Variants in PHEX observed in about 807,000 individuals in gnomAD.
PHEX encodes phosphate regulating endopeptidase X-linked.
Under a neutral mutation model 68.0 loss-of-function variants are expected in PHEX, and 16 were observed. The observed-to-expected ratio is 0.24, with a 90% CI of 0.16 to 0.36. The LOEUF (loss-of-function observed/expected upper bound fraction) is 0.36. Among genes scored for constraint, PHEX ranks in the 10% least tolerant of loss-of-function variants. PHEX has a pLI of 1.00. For missense variants in PHEX, 480 were observed against 575.5 expected (o/e 0.83, Z 1.70); for synonymous variants, 208 against 205.1 (o/e 1.01, Z -0.12).
intron 20 of PHEX, among the ~76,000 whole-genome samples, chrX:22,228,680 A>G (rs1935596049): frequency 9.4e-6 from 1 of 106,475 alleles, no homozygotes; most frequent in African/African-American, 3.4e-5. Flanking sequence ...ATCTGTCCTC[A>G]ATTTTACAAC....
chrX:22,082,996 A>G (rs1193784252), intron 5 of PHEX, among the ~76,000 whole-genome samples: 1 of 111,906 alleles, frequency 8.9e-6, no homozygotes, highest in Non-Finnish European at 1.9e-5. Context: ...TGTGGCCGGT[A>G]CAACTACGGA....
intron 12 of PHEX, chrX:22,162,771 G>A (rs1055362369): frequency 9.0e-6 from 1 of 111,668 alleles, no homozygotes; most frequent in Admixed American, 9.6e-5. Context: ...TGTCATGAAG[G>A]GAAAAGAGGG....
Position 22,214,424 on chromosome X carries a change from C to T in PHEX, c.1700+1466C>T, listed in dbSNP as rs888984534. Reference sequence around the variant, plus strand: ...TTTACTGTGTAACATAACATATTCACAGGTTCCAAAGATTAGCAATATGGA... The same window carrying T: ...TTTACTGTGTAACATAACATATTCATAGGTTCCAAAGATTAGCAATATGGA... On this transcript the variant is annotated intron_variant, in intron 16 of 21. Coordinates refer to ENST00000379374, the MANE Select transcript of PHEX (RefSeq NM_000444.6). 5.2e-5 allele frequency among the ~76,000 whole-genome samples: 5 copies of T among 95,887 alleles called. No individual in the cohort carries two copies. The East Asian group carries it at 1.5e-3, about 29-fold the overall frequency. 83.3% of individuals were successfully genotyped at this position (95,887 alleles called of 115,157 possible).
At chrX:22,095,321 A>G (rs1266541675) in intron 7 of PHEX, among the ~76,000 whole-genome samples, 1 of 112,028 alleles carries the variant, frequency 8.9e-6, no homozygotes, top group Non-Finnish European at 1.9e-5. Context: ...CCAGGCACAT[A>G]GGAGGCCCAG....
chrX:22,127,063 G>C (rs1931767123), intron 11 of PHEX, among the ~76,000 whole-genome samples: 1 of 108,300 alleles, frequency 9.2e-6, no homozygotes, highest in Non-Finnish European at 1.9e-5. Context: ...GTAGAGACAG[G>C]GTTTCACCAT....
At position 22,101,365 on chromosome X, in the gene PHEX, C is replaced by T. The variant is rs1418836933; in HGVS notation, c.1079+2214C>T. On this transcript the variant is annotated intron_variant, in intron 9 of 21. Transcript: ENST00000379374. ...ATGGTGATGTTTTTTCATTGATGAT[C>T]GTGTTTAATCACCACTCGTGTAGCA... Among the ~76,000 whole-genome samples the T allele has an allele frequency of 5.7e-4, 64 of 111,685 alleles. No homozygotes were observed. In the Admixed American group the frequency reaches 5.8e-3, roughly 10 times the overall value.
intron 3 of PHEX, among the ~76,000 whole-genome samples, chrX:22,066,961 C>A (rs779532117): frequency 9.0e-6 from 1 of 111,131 alleles, no homozygotes; most frequent in East Asian, 2.8e-4. Flanking sequence ...AATAGATACC[C>A]GGCTGGGCGT....
chrX:22,042,959 A>G (rs1316293480), intron 2 of PHEX, among the ~76,000 whole-genome samples: 1 of 112,790 alleles, frequency 8.9e-6, no homozygotes, highest in Admixed American at 9.4e-5. Context: ...TTTGATGGCA[A>G]AATTGGATCT....
In PHEX at chrX:22,032,581, G is replaced by T; in HGVS notation, c.-425G>T. The T allele has an allele frequency of 7.2e-6, 1 of 138,149 alleles. No individual in the cohort carries two copies. The highest frequency in any genetic ancestry group is 1.5e-5 in the Non-Finnish European group (1 of 68,437). 11.4% of individuals were successfully genotyped at this position (138,149 alleles called of 1,213,427 possible). A position where few individuals can be genotyped will look rare whatever the true frequency, so the allele number is the denominator to read the frequency against. On this transcript the variant is annotated 5_prime_UTR_variant, in exon 1 of 22. Coordinates refer to ENST00000379374, the MANE Select transcript of PHEX (RefSeq NM_000444.6). ...TGGCCACCTAACTTATCATGATTTG[G>T]GGGAGTTTCACGAGAATCCAGTTTT... is the stretch of plus-strand genomic sequence containing the variant.
intron 9 of PHEX, among the ~76,000 whole-genome samples, chrX:22,104,658 A>G (rs1930594839): frequency 9.0e-6 from 1 of 111,566 alleles, no homozygotes. Flanking sequence ...GAGGGGCACT[A>G]TAGACTTCTC....
chrX:22,119,799 G>C (rs1931407868), intron 11 of PHEX, among the ~76,000 whole-genome samples: 1 of 110,115 alleles, frequency 9.1e-6, no homozygotes, highest in Non-Finnish European at 1.9e-5. Flanking sequence ...GTTTCCTCAT[G>C]TTGGCCAAGC....
At chrX:22,219,868 C>G (rs1046062257) in intron 17 of PHEX, among the ~76,000 whole-genome samples, 1 of 111,866 alleles carries the variant, frequency 8.9e-6, no homozygotes, top group African/African-American at 3.3e-5. Flanking sequence ...CTGCCCACCT[C>G]AGCTTCCCAA....
chrX:22,104,246 C>T (rs1294319350), intron 9 of PHEX, among the ~76,000 whole-genome samples: 1 of 111,537 alleles, frequency 9.0e-6, no homozygotes, highest in Non-Finnish European at 1.9e-5. Flanking sequence ...CTTTCTCTGA[C>T]TGAGTGGCTG....
intron 3 of PHEX, among the ~76,000 whole-genome samples, chrX:22,049,406 G>C (rs187416671): frequency 3.6e-5 from 4 of 110,711 alleles, no homozygotes; most frequent in African/African-American, 1.3e-4. Context: ...GAGCCACCGC[G>C]CCTGGCCAAC....
intron 5 of PHEX, among the ~76,000 whole-genome samples, chrX:22,081,630 A>G (rs1929397709): frequency 9.0e-6 from 1 of 111,162 alleles, no homozygotes; most frequent in African/African-American, 3.3e-5. Context: ...CACCCTTTCT[A>G]AGGGTTAGAT....
At chrX:22,150,386 G>C (rs1262604327) in intron 12 of PHEX, among the ~76,000 whole-genome samples, 6 of 111,672 alleles carry the variant, frequency 5.4e-5, no homozygotes, top group Middle Eastern at 4.6e-3. Flanking sequence ...TATAGAGCAG[G>C]GGGCAGCAAA....
chrX:22,249,106 T>TTTACTC lies in PHEX; in HGVS notation c.*1156_*1161dup, dbSNP rs2147219159. The stretch of plus-strand genomic sequence containing the variant: ...CTGCATAGTCCAAATAAACATAATT[T>TTTACTC]TTACTCTTCAAGTCATCTAAAGAGT... On this transcript the variant is annotated 3_prime_UTR_variant, in exon 22 of 22. Coordinates refer to ENST00000379374, the MANE Select transcript of PHEX (RefSeq NM_000444.6). 9.1e-6 allele frequency: 1 copy of TTTACTC among 110,094 alleles called. No homozygotes were observed. The highest frequency in any genetic ancestry group is 9.8e-5 in the Admixed American group (1 of 10,234). 9.1% of individuals were successfully genotyped at this position (110,094 alleles called of 1,213,427 possible).
At chrX:22,155,148 G>T (rs1354849749) in intron 12 of PHEX, among the ~76,000 whole-genome samples, 2 of 112,437 alleles carry the variant, frequency 1.8e-5, no homozygotes, top group Admixed American at 9.4e-5. Flanking sequence ...CTGACCGCAG[G>T]CAATCCACCC....
chrX:22,131,927 A>G (rs1329747963), intron 11 of PHEX, among the ~76,000 whole-genome samples: 1 of 110,764 alleles, frequency 9.0e-6, no homozygotes, highest in Non-Finnish European at 1.9e-5. Flanking sequence ...CTCTAATGTG[A>G]CGTGTCAGTA....
Sources: allele counts gnomAD v4.1 joint callset (sites outside exome capture counted in the v4.1 genomes callset), GRCh38; gene constraint gnomAD v4.1.1; transcripts MANE v1.5; gene names NCBI Gene and HGNC (gene_info 2026-07-23, HGNC 2026-07-21).